Variants in RANBP9 observed in about 807,000 individuals in gnomAD.
RANBP9 encodes the protein RAN binding protein 9.
Under a neutral mutation model 84.3 loss-of-function variants are expected in RANBP9, and 15 were observed. The ratio of observed to expected loss-of-function variants is 0.18; its 90% confidence interval spans 0.12 to 0.27. The LOEUF (loss-of-function observed/expected upper bound fraction) is 0.27, where lower values mean the gene tolerates loss of function less well. Among genes scored for constraint, RANBP9 ranks in the 10% least tolerant of loss-of-function variants. The pLI is 1.00. For synonymous variants in RANBP9, 392 were observed against 349.6 expected, an observed-to-expected ratio of 1.12 and a Z score of -1.35; for missense variants, 809 against 912.8, an observed-to-expected ratio of 0.89 and a Z score of 1.46.
chr6:13,669,595 T>C (rs1250113079), intron 2 of RANBP9, among the ~76,000 whole-genome samples: 2 of 152,152 alleles, frequency 1.3e-5, no homozygotes, highest in African/African-American at 4.8e-5. Flanking sequence ...AATTTTGTTA[T>C]TGTTGTTGTT....
chr6:13,647,236 T>G (rs553551334), intron 5 of RANBP9, among the ~76,000 whole-genome samples: 7 of 152,294 alleles, frequency 4.6e-5, no homozygotes, highest in African/African-American at 1.7e-4. Context: ...TTTTAAAATA[T>G]TCACAGATAT....
chr6:13,710,285 G>A (rs1226219839), intron 1 of RANBP9, among the ~76,000 whole-genome samples: 1 of 152,002 alleles, frequency 6.6e-6, no homozygotes, highest in South Asian at 2.1e-4. Context: ...ACCTGTATAG[G>A]GCACTTCCAA....
At chr6:13,637,745 T>G in intron 10 of RANBP9, 63 bp downstream of exon 10, 2 of 1,391,388 alleles carry the variant, frequency 1.4e-6, no homozygotes, top group Non-Finnish European at 1.9e-6. Context: ...TCAAAATTAT[T>G]ACAACGATTA....
At chr6:13,649,736 T>C (rs975815135) in intron 5 of RANBP9, among the ~76,000 whole-genome samples, 3 of 152,134 alleles carry the variant, frequency 2.0e-5, no homozygotes, top group Admixed American at 6.5e-5. Context: ...CTTCCACCAC[T>C]GGCTACTACT....
intron 1 of RANBP9, among the ~76,000 whole-genome samples, chr6:13,699,322 A>C (rs1194523542): frequency 2.0e-5 from 3 of 152,200 alleles, no homozygotes; most frequent in Non-Finnish European, 2.9e-5. Context: ...TTAAAACTAA[A>C]AAGATTTGTT....
chr6:13,672,472 G>C (rs1353163215), intron 2 of RANBP9, among the ~76,000 whole-genome samples: 1 of 151,966 alleles, frequency 6.6e-6, no homozygotes, highest in Non-Finnish European at 1.5e-5. Flanking sequence ...CAAAAACCAG[G>C]AAAGTAGAGG....
chr6:13,646,814 G>C (rs1355632660), intron 5 of RANBP9, among the ~76,000 whole-genome samples: 2 of 151,986 alleles, frequency 1.3e-5, no homozygotes, highest in African/African-American at 2.4e-5. Flanking sequence ...AAATTCAGGA[G>C]GACAAAGACT....
At chr6:13,709,047 AAAGT>A (rs1417534302) in intron 1 of RANBP9, among the ~76,000 whole-genome samples, 3 of 152,226 alleles carry the variant, frequency 2.0e-5, no homozygotes, top group African/African-American at 4.8e-5. Context: ...TACACAACAG[AAAGT>A]AATAAAGAGG....
chr6:13,638,487 G>C (rs781559638), intron 9 of RANBP9, among the ~76,000 whole-genome samples: 2 of 151,990 alleles, frequency 1.3e-5, no homozygotes, highest in Non-Finnish European at 2.9e-5. Context: ...TAACATCTTG[G>C]GAAATGCAGA....
In RANBP9 at chr6:13,641,313, C is replaced by CAT; in HGVS notation, c.1226-7_1226-6insAT. Reference sequence around the variant, plus strand: ...TAATACCAATTTCTGAATTCCTATTCAGTAAAAGAAAGCAAACGATTAACT... The same window carrying CAT: ...TAATACCAATTTCTGAATTCCTATTCATAGTAAAAGAAAGCAAACGATTAACT... On this transcript the variant is annotated splice_region_variant and splice_polypyrimidine_tract_variant and intron_variant, in intron 7 of 13. Transcript: ENST00000011619. 6.4e-7 allele frequency: 1 copy of CAT among 1,554,444 alleles called. No homozygotes were observed. The highest frequency in any genetic ancestry group is 8.8e-7 in the Non-Finnish European group (1 of 1,138,136).
chr6:13,660,280 A>C (rs1765510268), intron 2 of RANBP9, among the ~76,000 whole-genome samples: 1 of 152,204 alleles, frequency 6.6e-6, no homozygotes, highest in African/African-American at 2.4e-5. Flanking sequence ...AGACTGAAGC[A>C]GGAGGATCTT....
chr6:13,704,462 C>T (rs1218933303), intron 1 of RANBP9, among the ~76,000 whole-genome samples: 1 of 151,828 alleles, frequency 6.6e-6, no homozygotes, highest in Non-Finnish European at 1.5e-5. Context: ...ACCCCCTTCT[C>T]TACAAAAAAA....
At chr6:13,686,195 C>G (rs950389233) in intron 2 of RANBP9, among the ~76,000 whole-genome samples, 1 of 144,490 alleles carries the variant, frequency 6.9e-6, no homozygotes, top group Non-Finnish European at 1.5e-5. Flanking sequence ...GCCTTGACCT[C>G]CTGGGCTCAA....
intron 1 of RANBP9, among the ~76,000 whole-genome samples, chr6:13,702,351 G>C (rs1169830396): frequency 6.6e-6 from 1 of 152,164 alleles, no homozygotes; most frequent in Admixed American, 6.5e-5. Context: ...GCTGAGGGAG[G>C]AGAATTGCTT....
chr6:13,698,435 AT>A (rs565598606), intron 1 of RANBP9, among the ~76,000 whole-genome samples: 2 of 152,204 alleles, frequency 1.3e-5, no homozygotes, highest in African/African-American at 4.8e-5. Flanking sequence ...AGTAAAACAC[AT>A]TTTTCAGTCA....
intron 5 of RANBP9, among the ~76,000 whole-genome samples, chr6:13,647,494 G>A (rs1765196967): frequency 6.6e-6 from 1 of 152,112 alleles, no homozygotes; most frequent in South Asian, 2.1e-4. Flanking sequence ...TATGGACACA[G>A]AAAGATGTCC....
intron 13 of RANBP9, among the ~76,000 whole-genome samples, chr6:13,623,370 C>T (rs1352425765): frequency 6.6e-6 from 1 of 152,154 alleles, no homozygotes; most frequent in African/African-American, 2.4e-5. Flanking sequence ...GGTTTAACTC[C>T]ACTCTTGGTT....
At chr6:13,626,695 A>T (rs1764615355) in intron 12 of RANBP9, among the ~76,000 whole-genome samples, 1 of 152,350 alleles carries the variant, frequency 6.6e-6, no homozygotes, top group South Asian at 2.1e-4. Context: ...GTTGCTGCAG[A>T]AACTGTCAAT....
intron 2 of RANBP9, among the ~76,000 whole-genome samples, chr6:13,684,994 T>C (rs1766136780): frequency 6.6e-6 from 1 of 152,180 alleles, no homozygotes; most frequent in South Asian, 2.1e-4. Flanking sequence ...CTCAGCCTTC[T>C]CCTGGACTCA....
Sources: gnomAD v4.1 joint callset for allele counts (sites outside exome capture counted in the v4.1 genomes callset) on GRCh38, gnomAD v4.1.1 for gene constraint, MANE v1.5 for transcripts, NCBI Gene and HGNC (gene_info 2026-07-23, HGNC 2026-07-21) for gene names.